NDUFA5: variants seen among roughly 807,000 people sequenced by gnomAD.
The protein encoded by NDUFA5 is NADH:ubiquinone oxidoreductase subunit A5.
In NDUFA5, 11 loss-of-function variants were observed where a neutral mutation model predicts 19.8. The ratio of observed to expected loss-of-function variants is 0.56; its 90% CI spans 0.35 to 0.92. The LOEUF is 0.92. Among genes scored for constraint, NDUFA5 ranks in the 40% least tolerant of loss-of-function variants. The pLI is 0.01. For synonymous variants in NDUFA5, 47 were observed against 46.8 expected, an observed-to-expected ratio of 1.00 and a Z score of -0.01; for missense variants, 109 against 134.2, an observed-to-expected ratio of 0.81 and a Z score of 0.93.
chr7:123,593,431 A>C, the NDUFA5 span, among the ~76,000 whole-genome samples: 1 of 152,074 alleles, frequency 6.6e-6, no homozygotes, highest in Non-Finnish European at 1.5e-5. Context: ...TTCCATGTTT[A>C]GTGCTTCCTT....
rs548894639 is a variant in NDUFA5 at position 123,538,166 on chromosome 7, T to C, written c.*3953A>G. On this transcript the variant is annotated 3_prime_UTR_variant, in exon 5 of 5. Coordinates refer to ENST00000355749, the MANE Select transcript of NDUFA5 (RefSeq NM_005000.5). Reference sequence around the variant, plus strand: ...CACCACCACTATGGTCATGGAAATATATGTTGATGGTGCCACACTCAGCCT... The same window carrying C: ...CACCACCACTATGGTCATGGAAATACATGTTGATGGTGCCACACTCAGCCT... 1.3e-5 allele frequency: 2 copies of C among 152,322 alleles called. No homozygotes were observed. The highest frequency in any genetic ancestry group is 2.1e-4 in the South Asian group (1 of 4,832). The allele number at this position is 152,322 out of a possible 1,614,324, so 9.4% of individuals were successfully genotyped here.
At chr7:123,546,225 G>A (rs1183688777) in intron 3 of NDUFA5, among the ~76,000 whole-genome samples, 1 of 152,062 alleles carries the variant, frequency 6.6e-6, no homozygotes, top group Non-Finnish European at 1.5e-5. Flanking sequence ...TGAATAAACT[G>A]TATGCAACAA....
the NDUFA5 span, among the ~76,000 whole-genome samples, chr7:123,589,492 C>T: frequency 6.6e-6 from 1 of 151,896 alleles, no homozygotes; most frequent in South Asian, 2.1e-4. Flanking sequence ...CTCAACAGCC[C>T]CTGGTGTGTG....
intron 2 of NDUFA5, chr7:123,551,701 G>T (rs1002548112): frequency 5.4e-6 from 1 of 186,506 alleles, no homozygotes; most frequent in African/African-American, 2.4e-5. Context: ...TGCATAAAAG[G>T]CTCAACCGAA....
chr7:123,597,517 C>T, the NDUFA5 span, among the ~76,000 whole-genome samples: 2 of 152,130 alleles, frequency 1.3e-5, no homozygotes, highest in Admixed American at 6.5e-5. Context: ...TCCAGGCACT[C>T]AGCACTGTGA....
chr7:123,601,335 C>A, the NDUFA5 span, among the ~76,000 whole-genome samples: 1 of 152,132 alleles, frequency 6.6e-6, no homozygotes, highest in South Asian at 2.1e-4. Context: ...GATTAGATGT[C>A]ACTGACTGCC....
chr7:123,589,833 C>A, the NDUFA5 span, among the ~76,000 whole-genome samples: 3 of 152,028 alleles, frequency 2.0e-5, no homozygotes, highest in Non-Finnish European at 2.9e-5. Flanking sequence ...GGGTATATAC[C>A]CAGTAATGGG....
At chr7:123,582,277 A>AG in the NDUFA5 span, among the ~76,000 whole-genome samples, 10 of 151,708 alleles carry the variant, frequency 6.6e-5, no homozygotes, top group South Asian at 2.1e-4. Flanking sequence ...GGAGATGGGG[A>AG]GGGGGGGTTG....
the NDUFA5 span, among the ~76,000 whole-genome samples, chr7:123,593,426 T>C: frequency 6.6e-6 from 1 of 152,204 alleles, no homozygotes; most frequent in African/African-American, 2.4e-5. Flanking sequence ...TTCCTTTCCA[T>C]GTTTAGTGCT....
the NDUFA5 span, chr7:123,584,718 A>C: frequency 2.0e-5 from 3 of 152,010 alleles, no homozygotes; most frequent in Non-Finnish European, 4.4e-5. Context: ...CAGAATAACC[A>C]GGGGAAACAA....
At chr7:123,566,017 T>TA in the NDUFA5 span, among the ~76,000 whole-genome samples, 302 of 129,570 alleles carry the variant, frequency 2.3e-3, 1 homozygote, top group African/African-American at 7.0e-3. Context: ...AGACTCCGTC[T>TA]AAAAAAAAAA....
intron 3 of NDUFA5, among the ~76,000 whole-genome samples, chr7:123,547,363 T>A (rs1359284397): frequency 6.6e-6 from 1 of 152,170 alleles, no homozygotes; most frequent in Non-Finnish European, 1.5e-5. Flanking sequence ...TACTATTTTC[T>A]AACACACTAT....
chr7:123,582,440 A>G, the NDUFA5 span, among the ~76,000 whole-genome samples: 1 of 151,992 alleles, frequency 6.6e-6, no homozygotes, highest in Non-Finnish European at 1.5e-5. Flanking sequence ...AATAAAATAA[A>G]GCCCCAAATT....
At chr7:123,578,367 G>A in the NDUFA5 span, among the ~76,000 whole-genome samples, 2 of 151,698 alleles carry the variant, frequency 1.3e-5, no homozygotes, top group African/African-American at 4.8e-5. Context: ...TAGCCTCTAG[G>A]AAGTAATTTG....
At chr7:123,564,143 AAAC>A in the NDUFA5 span, among the ~76,000 whole-genome samples, 68 of 152,324 alleles carry the variant, frequency 4.5e-4, no homozygotes, top group South Asian at 2.3e-3. Context: ...TAAATCAATA[AAAC>A]AACAACAAGA....
the NDUFA5 span, among the ~76,000 whole-genome samples, chr7:123,590,033 C>T: frequency 6.6e-6 from 1 of 152,116 alleles, no homozygotes; most frequent in Non-Finnish European, 1.5e-5. Flanking sequence ...GAGATGGTAT[C>T]TCATTGTGGT....
chr7:123,557,607 C>A, intron 1 of NDUFA5, 159 bp from the exon 2 acceptor site: 1 of 1,613,278 alleles, frequency 6.2e-7, no homozygotes, highest in Non-Finnish European at 8.5e-7. Flanking sequence ...TCCTGACTCT[C>A]GGAGCGGAAC....
At chr7:123,592,948 G>A in the NDUFA5 span, among the ~76,000 whole-genome samples, 1 of 152,020 alleles carries the variant, frequency 6.6e-6, no homozygotes, top group African/African-American at 2.4e-5. Flanking sequence ...ATGAATCTCG[G>A]TGCTCCTGTA....
At chr7:123,587,381 G>A in the NDUFA5 span, among the ~76,000 whole-genome samples, 5 of 151,032 alleles carry the variant, frequency 3.3e-5, no homozygotes. Context: ...ACTAATTTCT[G>A]TAGGTTAATT....
Sources: gnomAD v4.1 joint callset for allele counts (sites outside exome capture counted in the v4.1 genomes callset) on GRCh38, gnomAD v4.1.1 for gene constraint, MANE v1.5 for transcripts, NCBI Gene and HGNC (gene_info 2026-07-23, HGNC 2026-07-21) for gene names.